Variants in ROR1 observed in about 807,000 individuals in gnomAD.
The protein encoded by ROR1 is inactive tyrosine-protein kinase transmembrane receptor ROR1.
ROR1 carries 19 observed loss-of-function variants against 78.8 expected under a neutral mutation model. That is an observed-to-expected ratio of 0.24 (90% CI 0.17 to 0.35). ROR1 has a LOEUF of 0.35. Among genes scored for constraint, ROR1 ranks in the 10% least tolerant of loss-of-function variants. The pLI is 1.00. For missense variants in ROR1, 917 were observed against 1,177.8 expected, an observed-to-expected ratio of 0.78 and a Z score of 3.24; for synonymous variants, 386 against 433.6, an observed-to-expected ratio of 0.89 and a Z score of 1.36.
At chr1:63,907,105 A>C (rs1645535289) in intron 1 of ROR1, among the ~76,000 whole-genome samples, 1 of 152,226 alleles carries the variant, frequency 6.6e-6, no homozygotes, top group South Asian at 2.1e-4. Flanking sequence ...GATTATGGAC[A>C]GCTCTCTCCA....
At chr1:63,879,300 C>G (rs1645308434) in intron 1 of ROR1, among the ~76,000 whole-genome samples, 2 of 152,094 alleles carry the variant, frequency 1.3e-5, no homozygotes, top group Non-Finnish European at 2.9e-5. Context: ...AAAAAATACC[C>G]TCCTGCTCCC....
chr1:63,799,536 C>CT lies in ROR1; in HGVS notation c.91+25034dup, dbSNP rs1297176348. Among the ~76,000 whole-genome samples, 5 of 152,170 alleles carry CT rather than the reference C, an allele frequency of 3.3e-5. No individual in the cohort carries two copies. The East Asian group carries it at 5.8e-4, about 18-fold the overall frequency. On this transcript the variant is annotated intron_variant, in intron 1 of 8. Coordinates refer to ENST00000371079, the MANE Select transcript of ROR1 (RefSeq NM_005012.4). ...ATTTCAGGAATATTGTGCAATTCTG[C>CT]TTTTTTCCCATTTGTTTATAGCTCT...
At chr1:64,011,889 C>T (rs1249690388) in intron 2 of ROR1, among the ~76,000 whole-genome samples, 3 of 152,290 alleles carry the variant, frequency 2.0e-5, no homozygotes, top group South Asian at 4.1e-4. Context: ...AGGCCCCTGT[C>T]CTCCATGAAC....
intron 1 of ROR1, among the ~76,000 whole-genome samples, chr1:63,854,095 T>A (rs1217778469): frequency 6.6e-6 from 1 of 152,222 alleles, no homozygotes; most frequent in South Asian, 2.1e-4. Flanking sequence ...TATTGCATAG[T>A]GCATGACTGC....
chr1:64,125,491 G>C (rs985328005), intron 4 of ROR1, among the ~76,000 whole-genome samples: 1 of 152,122 alleles, frequency 6.6e-6, no homozygotes, highest in African/African-American at 2.4e-5. Context: ...GATAGGTTAG[G>C]GGTGTTTAGT....
intron 4 of ROR1, among the ~76,000 whole-genome samples, chr1:64,097,933 T>A (rs894042928): frequency 1.3e-5 from 2 of 152,138 alleles, no homozygotes; most frequent in Admixed American, 6.6e-5. Flanking sequence ...TAAGTGCTAG[T>A]CCATGGACAA....
chr1:63,981,411 T>A (rs574573240), intron 1 of ROR1, among the ~76,000 whole-genome samples: 1 of 152,094 alleles, frequency 6.6e-6, no homozygotes, highest in Non-Finnish European at 1.5e-5. Flanking sequence ...GCTTCCCAGG[T>A]GGGGCTAAGT....
At chr1:63,967,422 G>A (rs1646084236) in intron 1 of ROR1, among the ~76,000 whole-genome samples, 1 of 151,950 alleles carries the variant, frequency 6.6e-6, no homozygotes, top group African/African-American at 2.4e-5. Flanking sequence ...ATGGATTCTC[G>A]CTATGATGCT....
intron 1 of ROR1, among the ~76,000 whole-genome samples, chr1:63,987,337 AG>A (rs1404024407): frequency 6.6e-6 from 1 of 152,228 alleles, no homozygotes; most frequent in East Asian, 1.9e-4. Context: ...CTGACCCATA[AG>A]CACTAAATAA....
chr1:64,081,263 G>C (rs985308746), intron 4 of ROR1, among the ~76,000 whole-genome samples: 1 of 152,080 alleles, frequency 6.6e-6, no homozygotes, highest in Non-Finnish European at 1.5e-5. Context: ...TGAAGACATC[G>C]ACCTTCCAAT....
Position 63,989,162 on chromosome 1 carries a change from G to GTTTTTT in ROR1, c.92-20138_92-20137insTTTTTT, listed in dbSNP as rs1287163623. ...TTTTTGCCAACACTTGTCATTTTCT[G>GTTTTTT]TTTTTGTTTTTTTTTTTTTTTAAAC... On this transcript the variant is annotated intron_variant, in intron 1 of 8. Coordinates refer to ENST00000371079, the MANE Select transcript of ROR1 (RefSeq NM_005012.4). Among the ~76,000 whole-genome samples, 524 of 117,284 alleles carry GTTTTTT rather than the reference G, an allele frequency of 4.5e-3. 9 individuals are homozygous for GTTTTTT. The highest frequency in any genetic ancestry group is 0.015 in the African/African-American group (505 of 34,432). 76.9% of individuals were successfully genotyped at this position (117,284 alleles called of 152,430 possible).
At chr1:64,051,760 T>C (rs1646834801) in intron 4 of ROR1, among the ~76,000 whole-genome samples, 1 of 152,140 alleles carries the variant, frequency 6.6e-6, no homozygotes, top group Non-Finnish European at 1.5e-5. Flanking sequence ...AAACTCTTAC[T>C]CTACAAAAAA....
chr1:64,164,642 G>T (rs1051703564), intron 8 of ROR1, among the ~76,000 whole-genome samples: 1 of 152,070 alleles, frequency 6.6e-6, no homozygotes, highest in Non-Finnish European at 1.5e-5. Flanking sequence ...GGGCAGGTTT[G>T]TTATGTAGGT....
chr1:63,806,870 G>A (rs979856703), intron 1 of ROR1, among the ~76,000 whole-genome samples: 4 of 152,110 alleles, frequency 2.6e-5, no homozygotes, highest in Non-Finnish European at 4.4e-5. Flanking sequence ...ATTGAGATGG[G>A]CTATGAATAT....
chr1:64,017,626 C>T (rs74342823), intron 2 of ROR1, among the ~76,000 whole-genome samples: 1,591 of 152,240 alleles, frequency 0.01, 12 homozygotes, highest in Admixed American at 0.017. Flanking sequence ...TATTCCAGCT[C>T]TTGGCACCCA....
intron 4 of ROR1, chr1:64,106,443 T>C (rs1036557209): frequency 6.6e-6 from 1 of 152,128 alleles, no homozygotes; most frequent in Non-Finnish European, 1.5e-5. Context: ...TATTAGAATA[T>C]GCTTTTTGTC....
chr1:64,021,264 C>T (rs1467407260), intron 2 of ROR1, among the ~76,000 whole-genome samples: 1 of 152,174 alleles, frequency 6.6e-6, no homozygotes, highest in Non-Finnish European at 1.5e-5. Flanking sequence ...GTCTTCTGAA[C>T]TCAGAGACCT....
At chr1:63,875,179 G>A (rs1033385271) in intron 1 of ROR1, among the ~76,000 whole-genome samples, 12 of 152,058 alleles carry the variant, frequency 7.9e-5, no homozygotes, top group South Asian at 4.1e-4. Flanking sequence ...TAAAGTCAGG[G>A]GTAATCATAG....
At position 63,774,956 on chromosome 1, in the gene ROR1, G is replaced by A. The variant is rs1644604901; in HGVS notation, c.91+448G>A. 6.6e-6 allele frequency among the ~76,000 whole-genome samples: 1 copy of A among 152,086 alleles called. No homozygotes were observed. Among genetic ancestry groups the A allele is most frequent in the Non-Finnish European group, 1.5e-5 (1 of 68,004 alleles). ...CCAGGAGGGAGTTTGGATTTTCAGT[G>A]GTGCTCGCCAGAGCCCAGGCGGCTC... On this transcript the variant is annotated intron_variant, in intron 1 of 8. Transcript: ENST00000371079. The surrounding 1 kb of genome is among the most constrained non-coding windows in gnomAD (Gnocchi z 5.7).
Sources: allele counts gnomAD v4.1 joint callset (sites outside exome capture counted in the v4.1 genomes callset), GRCh38; gene constraint gnomAD v4.1.1; non-coding constraint Gnocchi (gnomAD v3.1); transcripts MANE v1.5; gene names NCBI Gene and HGNC (gene_info 2026-07-23, HGNC 2026-07-21).